Variants in OR2L3 observed in about 807,000 individuals in gnomAD.
The protein encoded by OR2L3 is olfactory receptor 2L3.
For missense variants in OR2L3, 369 were observed against 376.6 expected (o/e 0.98, Z 0.17); for synonymous variants, 131 against 139.1 (o/e 0.94, Z 0.41).
chr1:248,049,723 G>C (rs1663194711), intron 1 of OR2L3, among the ~76,000 whole-genome samples: 1 of 152,052 alleles, frequency 6.6e-6, no homozygotes, highest in Admixed American at 6.6e-5. Flanking sequence ...CTTATGTGGA[G>C]TTTTTGTTTT....
At chr1:248,046,916 A>C (rs1244602278) in intron 1 of OR2L3, 36 bp downstream of exon 1, 1 of 152,178 alleles carries the variant, frequency 6.6e-6, no homozygotes, top group Non-Finnish European at 1.5e-5. Flanking sequence ...ATTTTTATTG[A>C]TTACAGGGAA....
Position 248,060,815 on chromosome 1 carries a change from T to A in OR2L3, c.134T>A (p.Ile45Asn), listed in dbSNP as rs1262827414. The change falls in exon 2 of 2, where the codon ATT (isoleucine) becomes AAT (asparagine). Residue 45 changes from isoleucine (I) to asparagine (N), a missense_variant. Transcript: ENST00000359959. ...GCTCTAATTGGAAACCTATCCATGATTCTTCTCATCTTCTTGGACACCCAT... is the reference window on the plus strand; with the variant it reads ...GCTCTAATTGGAAACCTATCCATGAATCTTCTCATCTTCTTGGACACCCAT... Reference protein sequence around the residue: ...LMALIGNLSMILLIFLDTHLH... With the variant: ...LMALIGNLSMNLLIFLDTHLH... The A allele has an allele frequency of 1.2e-6, 2 of 1,614,070 alleles. No homozygotes were observed. The highest frequency in any genetic ancestry group is 2.2e-5 in the South Asian group (2 of 91,080).
chr1:248,058,530 T>TTATA (rs139069070), intron 1 of OR2L3, among the ~76,000 whole-genome samples: 7 of 151,136 alleles, frequency 4.6e-5, no homozygotes, highest in Non-Finnish European at 8.9e-5. Flanking sequence ...TAAAACCTGG[T>TTATA]TATATATATA....
At position 248,061,133 on chromosome 1, in the gene OR2L3, G is replaced by A. The variant is rs1172387918; in HGVS notation, c.452G>A (p.Gly151Asp). The A allele has an allele frequency of 1.9e-6, 3 of 1,613,654 alleles. No individual in the cohort carries two copies. The highest frequency in any genetic ancestry group is 3.3e-5 in the Admixed American group (2 of 59,992). The part of the protein sequence containing the change: ...VLMITGSWII[G>D]SINACAHTVY... Reference sequence around the variant, plus strand: ...ATGATAACAGGGTCTTGGATCATAGGCTCGATCAATGCTTGTGCTCACACT... The same window carrying A: ...ATGATAACAGGGTCTTGGATCATAGACTCGATCAATGCTTGTGCTCACACT... The change falls in exon 2 of 2, where the codon GGC (glycine) becomes GAC (aspartate). Residue 151 changes from glycine (G) to aspartate (D), a missense_variant. Transcript: ENST00000359959.
In OR2L3 at chr1:248,061,656, C is replaced by A. The variant is rs1454904116; in HGVS notation, c.*36C>A. On this transcript the variant is annotated 3_prime_UTR_variant, in exon 2 of 2. Transcript: ENST00000359959. ...TACCTAAGGTCTCAGGACTCAGATA[C>A]ACATCCATCCAGCAGTGTATAGTAA... 6.5e-7 allele frequency: 1 copy of A among 1,543,774 alleles called. No homozygotes were observed. Among genetic ancestry groups the A allele is most frequent in the Non-Finnish European group, 8.8e-7 (1 of 1,130,074 alleles).
At chr1:248,059,220 G>A (rs961989204) in intron 1 of OR2L3, among the ~76,000 whole-genome samples, 4 of 152,034 alleles carry the variant, frequency 2.6e-5, no homozygotes, top group African/African-American at 7.2e-5. Flanking sequence ...AATTCTGGTG[G>A]TATTTGGCTC....
At chr1:248,054,645 T>C (rs1663374839) in intron 1 of OR2L3, among the ~76,000 whole-genome samples, 1 of 152,140 alleles carries the variant, frequency 6.6e-6, no homozygotes, top group Non-Finnish European at 1.5e-5. Context: ...TCTCTTTGAA[T>C]AGGTCCTTCA....
At chr1:248,050,488 A>G (rs1663229030) in intron 1 of OR2L3, among the ~76,000 whole-genome samples, 1 of 152,094 alleles carries the variant, frequency 6.6e-6, no homozygotes, top group Non-Finnish European at 1.5e-5. Flanking sequence ...ATAATATTAT[A>G]TAATAGGACA....
chr1:248,054,822 C>T (rs367991432), intron 1 of OR2L3, among the ~76,000 whole-genome samples: 4 of 152,182 alleles, frequency 2.6e-5, no homozygotes, highest in African/African-American at 7.2e-5. Context: ...ATTTGCTTAT[C>T]AGCTTAAGAA....
At chr1:248,059,102 A>G (rs1287701622) in intron 1 of OR2L3, among the ~76,000 whole-genome samples, 3 of 152,180 alleles carry the variant, frequency 2.0e-5, no homozygotes, top group South Asian at 4.1e-4. Flanking sequence ...ATTTTTAATC[A>G]TTATAATCTC....
Position 248,060,903 on chromosome 1 carries a change from C to T in OR2L3, c.222C>T (p.Ser74=), listed in dbSNP as rs1426746052. Residue 74 remains serine (S), a synonymous_variant, in exon 2 of 2, where the codon TCC becomes TCT. Coordinates refer to ENST00000359959, the MANE Select transcript of OR2L3 (RefSeq NM_001004687.2). ...QLSLIDLNYI[S]TIVPKMASDF... ...CCCTCATTGACCTAAATTACATCTC[C>T]ACCATTGTTCCTAAGATGGCATCTG... The T allele has an allele frequency of 5.0e-6, 8 of 1,613,822 alleles. No individual in the cohort carries two copies. The highest frequency in any genetic ancestry group is 1.3e-5 in the African/African-American group (1 of 74,898).
At chr1:248,048,650 C>A (rs1463437269) in intron 1 of OR2L3, among the ~76,000 whole-genome samples, 2 of 152,156 alleles carry the variant, frequency 1.3e-5, no homozygotes, top group African/African-American at 4.8e-5. Flanking sequence ...TCAGCTTTTG[C>A]AGTGAAACTG....
At position 248,061,376 on chromosome 1, in the gene OR2L3, G is replaced by T; in HGVS notation, c.695G>T (p.Gly232Val). ...LAVYHMKSAE[G>V]RKKAYLTCST... ...GTCTACCACATGAAATCTGCAGAAG[G>T]GAGGAAGAAAGCCTACCTGACCTGC... The change falls in exon 2 of 2, where the codon GGG becomes GTG. Residue 232 changes from glycine (G) to valine (V), a missense_variant. By Grantham distance (109) the Gly-to-Val change is moderately radical. Transcript: ENST00000359959. The T allele has an allele frequency of 6.2e-7, 1 of 1,614,040 alleles. No individual in the cohort carries two copies. Among genetic ancestry groups the T allele is most frequent in the South Asian group, 1.1e-5 (1 of 91,088 alleles).
intron 1 of OR2L3, among the ~76,000 whole-genome samples, chr1:248,049,970 T>C (rs1295217579): frequency 6.6e-6 from 1 of 152,194 alleles, no homozygotes; most frequent in Non-Finnish European, 1.5e-5. Flanking sequence ...TGAAAATCTC[T>C]GAATCTCAGT....
intron 1 of OR2L3, among the ~76,000 whole-genome samples, chr1:248,050,263 GA>G (rs1226017285): frequency 1.6e-3 from 233 of 142,808 alleles, no homozygotes; most frequent in African/African-American, 4.7e-3. Flanking sequence ...AATTTTTAGT[GA>G]AAAAAAAAAA....
At chr1:248,055,681 C>G (rs1477999409) in intron 1 of OR2L3, among the ~76,000 whole-genome samples, 1 of 152,194 alleles carries the variant, frequency 6.6e-6, no homozygotes, top group African/African-American at 2.4e-5. Context: ...CACTTAAACC[C>G]AGGAGGCGAA....
Position 248,060,681 on chromosome 1 carries a change from C to T in OR2L3, c.-1C>T, listed in dbSNP as rs141627067. 2.5e-5 allele frequency: 41 copies of T among 1,609,106 alleles called. No individual in the cohort carries two copies. The African/African-American group carries it at 3.2e-4, about 13-fold the overall frequency. ...TTCAGGAAAGAGCACACGAATGCCC[C>T]ATGGAAAATTACAATCAAACATCAA... On this transcript the variant is annotated 5_prime_UTR_variant, in exon 2 of 2. Transcript: ENST00000359959.
intron 1 of OR2L3, among the ~76,000 whole-genome samples, chr1:248,059,070 CACA>C (rs1390901331): frequency 4.6e-5 from 7 of 152,024 alleles, no homozygotes; most frequent in African/African-American, 7.3e-5. Flanking sequence ...GAATTCTGAT[CACA>C]ACAATTCATT....
At chr1:248,060,535 AAAT>A (rs1486804039) in intron 1 of OR2L3, 123 bp from the exon 2 acceptor site, 2 of 656,638 alleles carry the variant, frequency 3.0e-6, no homozygotes, top group Non-Finnish European at 5.4e-6. Context: ...TGTGGACAGA[AAAT>A]AATAGTGTAT....
Sources: gnomAD v4.1 joint callset for allele counts (sites outside exome capture counted in the v4.1 genomes callset) on GRCh38, gnomAD v4.1.1 for gene constraint, MANE v1.5 for transcripts, NCBI Gene and HGNC (gene_info 2026-07-23, HGNC 2026-07-21) for gene names.